The following NCKAP5L variants were observed in gnomAD, a reference collection of about 807,000 sequenced individuals.
NCKAP5L encodes nck-associated protein 5-like.
NCKAP5L carries 54 observed loss-of-function variants against 103.2 expected under a neutral mutation model. The observed-to-expected ratio is 0.52, with a 90% CI of 0.42 to 0.66. The LOEUF (loss-of-function observed/expected upper bound fraction) is 0.66. Among genes scored for constraint, NCKAP5L ranks in the 30% least tolerant of loss-of-function variants. NCKAP5L has a pLI of 0.00. For missense variants in NCKAP5L, 1,733 were observed against 1,750.6 expected (o/e 0.99, Z 0.18); for synonymous variants, 762 against 748.6 (o/e 1.02, Z -0.29).
intron 1 of NCKAP5L, among the ~76,000 whole-genome samples, chr12:49,815,468 A>G (rs1407223557): frequency 6.6e-6 from 1 of 152,242 alleles, no homozygotes; most frequent in Non-Finnish European, 1.5e-5. Context: ...AATTCCAGCT[A>G]TGGCCATTGG....
chr12:49,804,869 G>C, intron 2 of NCKAP5L: 1 of 152,266 alleles, frequency 6.6e-6, no homozygotes. Context: ...GGGGCCTGGC[G>C]CCCTTAGCTC....
chr12:49,804,109 A>G, intron 2 of NCKAP5L, 29 bp from the exon 3 acceptor site: 1 of 1,590,544 alleles, frequency 6.3e-7, no homozygotes. Flanking sequence ...AGGAAGTGAG[A>G]AGGAGGAGGA....
At chr12:49,825,042 A>G (rs1475499224) in intron 1 of NCKAP5L, among the ~76,000 whole-genome samples, 1 of 152,174 alleles carries the variant, frequency 6.6e-6, no homozygotes, top group Non-Finnish European at 1.5e-5. Flanking sequence ...ATGTAAAACT[A>G]CACAGCAGAA....
chr12:49,794,000 A>G (rs1592746492), intron 8 of NCKAP5L, 104 bp from the exon 9 acceptor site: 1 of 1,081,756 alleles, frequency 9.2e-7, no homozygotes, highest in East Asian at 3.0e-5. Flanking sequence ...ACTTCCTGCC[A>G]TCCACCCCCG....
chr12:49,796,229 G>A lies in NCKAP5L; in HGVS notation c.1631C>T (p.Thr544Ile), dbSNP rs1281921623. ...CACCACTGGGCCTGGGGACAGCGTG[G>A]TGGACAAGGCTGACTGCGGGGGTCT... is the stretch of plus-strand genomic sequence containing the variant. ...QLRPPQSALS[T>I]TLSPGPVVSP... The change falls in exon 8 of 13, where the codon ACC becomes ATC. Residue 544 changes from threonine (T) to isoleucine (I), a missense_variant. Thr to Ile is a moderately conservative substitution (Grantham distance 89, BLOSUM62 -1). Transcript: ENST00000335999. 4.4e-6 allele frequency: 7 copies of A among 1,583,442 alleles called. No individual in the cohort carries two copies. In the African/African-American group the frequency reaches 9.4e-5, roughly 21 times the overall value.
At chr12:49,820,774 G>A (rs1166770900) in intron 1 of NCKAP5L, among the ~76,000 whole-genome samples, 2 of 152,204 alleles carry the variant, frequency 1.3e-5, no homozygotes, top group East Asian at 1.9e-4. Flanking sequence ...GGAGAAAACA[G>A]CTCTGGTTCA....
chr12:49,798,200 G>A, intron 7 of NCKAP5L, 150 bp downstream of exon 7: 3 of 735,848 alleles, frequency 4.1e-6, no homozygotes, highest in Non-Finnish European at 7.2e-6. Context: ...CACAGGGCCA[G>A]TGGCTAGGAT....
chr12:49,804,055 G>A lies in NCKAP5L; in HGVS notation c.-11C>T. 6.2e-7 allele frequency: 1 copy of A among 1,608,252 alleles called. No homozygotes were observed. The highest frequency in any genetic ancestry group is 8.5e-7 in the Non-Finnish European group (1 of 1,179,778). ...CATGGCCTCTGACATCTGGCCCTGG[G>A]AACAAGGAAGAGAAGCCCCGGCAGG... On this transcript the variant is annotated 5_prime_UTR_variant, in exon 3 of 13. Transcript: ENST00000335999.
At position 49,795,321 on chromosome 12, in the gene NCKAP5L, C is replaced by T. The variant is rs1226811088; in HGVS notation, c.2539G>A (p.Gly847Ser). Reference protein sequence around the residue: ...KESPKPDKGKGPPWADCGSTT... With the variant: ...KESPKPDKGKSPPWADCGSTT... ...CTACCACAGTCTGCCCAGGGAGGGC[C>T]CTTCCCTTTGTCAGGCTTGGGGGAC... Residue 847 changes from glycine (G) to serine (S), a missense_variant, in exon 8 of 13, where the codon GGC becomes AGC. Coordinates refer to ENST00000335999, the MANE Select transcript of NCKAP5L (RefSeq NM_001037806.4). The T allele has an allele frequency of 1.3e-6, 2 of 1,530,642 alleles. No individual in the cohort carries two copies. The highest frequency in any genetic ancestry group is 2.2e-5 in the Admixed American group (1 of 45,708). 94.8% of individuals were successfully genotyped at this position (1,530,642 alleles called of 1,614,324 possible).
Position 49,804,070 on chromosome 12 carries a change from G to A in NCKAP5L, c.-26C>T, listed in dbSNP as rs1946153062. 1 of 1,605,334 alleles carries A rather than the reference G, an allele frequency of 6.2e-7. No individual in the cohort carries two copies. Among genetic ancestry groups the A allele is most frequent in the Non-Finnish European group, 8.5e-7 (1 of 1,179,510 alleles). ...CTGGCCCTGGGAACAAGGAAGAGAA[G>A]CCCCGGCAGGCTACTCCAGGGAATG... On this transcript the variant is annotated 5_prime_UTR_variant, in exon 3 of 13. Coordinates refer to ENST00000335999, the MANE Select transcript of NCKAP5L (RefSeq NM_001037806.4).
At position 49,792,211 on chromosome 12, in the gene NCKAP5L, A is replaced by T. The variant is rs1039371481; in HGVS notation, c.3793-160T>A. ...TCAGAGGAAACAGGCTGGAGGTACAACTGAGAACAGTCCTACAAGGTTCTG... is the reference window on the plus strand; with the variant it reads ...TCAGAGGAAACAGGCTGGAGGTACATCTGAGAACAGTCCTACAAGGTTCTG... On this transcript the variant is annotated intron_variant, in intron 12 of 12. Coordinates refer to ENST00000335999, the MANE Select transcript of NCKAP5L (RefSeq NM_001037806.4). This position sits in a 1 kb window ranked among gnomAD's most constrained non-coding sequence, Gnocchi z 4.5. The T allele has an allele frequency of 1.8e-5, 19 of 1,060,278 alleles. No homozygotes were observed. The highest frequency in any genetic ancestry group is 2.5e-5 in the Non-Finnish European group (18 of 719,474). The allele number at this position is 1,060,278 out of a possible 1,614,324, so 65.7% of individuals were successfully genotyped here.
intron 1 of NCKAP5L, among the ~76,000 whole-genome samples, chr12:49,807,206 T>C (rs1278442228): frequency 1.3e-5 from 2 of 151,962 alleles, no homozygotes; most frequent in African/African-American, 4.8e-5. Context: ...AGCTGGATGT[T>C]TGGGGGCTGG....
intron 7 of NCKAP5L, 28 bp downstream of exon 7, chr12:49,798,321 GT>G (rs1946080622): frequency 6.7e-7 from 1 of 1,503,178 alleles, no homozygotes; most frequent in Non-Finnish European, 9.1e-7. Flanking sequence ...CATCAGTGGA[GT>G]ACTGACCACA....
chr12:49,791,904 C>T lies in NCKAP5L; in HGVS notation c.3940G>A (p.Glu1314Lys), dbSNP rs750979753. 2 of 1,612,322 alleles carry T rather than the reference C, an allele frequency of 1.2e-6. No individual in the cohort carries two copies. The highest frequency in any genetic ancestry group is 1.7e-6 in the Non-Finnish European group (2 of 1,179,546). ...RVASGGPPGL[E>K]TSESLSDSLY... ...GAGTCACTGAGAGACTCCGAGGTCT[C>T]CAGCCCTGGGGGGCCCCCGCTGGCC... Residue 1314 changes from glutamate to lysine, a missense_variant, in exon 13 of 13, where the codon GAG becomes AAG. Transcript: ENST00000335999.
intron 1 of NCKAP5L, among the ~76,000 whole-genome samples, chr12:49,820,027 C>T (rs1433891241): frequency 6.6e-6 from 1 of 152,194 alleles, no homozygotes; most frequent in East Asian, 1.9e-4. Flanking sequence ...TTCCCTGGCC[C>T]ATGCCAATAA....
intron 1 of NCKAP5L, among the ~76,000 whole-genome samples, chr12:49,814,643 A>C (rs1304311777): frequency 6.6e-6 from 1 of 151,466 alleles, no homozygotes; most frequent in Non-Finnish European, 1.5e-5. Context: ...CTGTGTGCCT[A>C]TGTGTTACTT....
At chr12:49,821,012 T>G (rs983562083) in intron 1 of NCKAP5L, among the ~76,000 whole-genome samples, 1 of 152,164 alleles carries the variant, frequency 6.6e-6, no homozygotes, top group Non-Finnish European at 1.5e-5. Flanking sequence ...AGAAAAGGAC[T>G]GCAGCTGAGG....
rs1229838764 is a variant in NCKAP5L, at chr12:49,802,021, G to A, written c.232-54C>T. 1.9e-6 allele frequency: 3 copies of A among 1,601,414 alleles called. No individual in the cohort carries two copies. The African/African-American group carries it at 4.0e-5, about 21-fold the overall frequency. On this transcript the variant is annotated intron_variant, in intron 5 of 12. Transcript: ENST00000335999. ...GAAGAGGTGAGGATGGTGGGAGAGTGTCACAGTGCTCTTCATCAGAGCAGC... is the reference window on the plus strand; with the variant it reads ...GAAGAGGTGAGGATGGTGGGAGAGTATCACAGTGCTCTTCATCAGAGCAGC...
At chr12:49,826,288 A>C (rs1461074004) in intron 1 of NCKAP5L, among the ~76,000 whole-genome samples, 2 of 151,960 alleles carry the variant, frequency 1.3e-5, no homozygotes, top group African/African-American at 4.8e-5. Flanking sequence ...GTCTCCTGGG[A>C]ATCTGCTTAC....
Sources: gnomAD v4.1 joint callset for allele counts (sites outside exome capture counted in the v4.1 genomes callset) on GRCh38, gnomAD v4.1.1 for gene constraint, Gnocchi (gnomAD v3.1) non-coding constraint, MANE v1.5 for transcripts, NCBI Gene and HGNC (gene_info 2026-07-23, HGNC 2026-07-21) for gene names.